Variants in ALPK3 observed in about 807,000 individuals in gnomAD.
ALPK3 encodes alpha-protein kinase 3.
ALPK3 carries 102 observed loss-of-function variants against 140.0 expected under a neutral mutation model. The ratio of observed to expected loss-of-function variants is 0.73; its 90% CI spans 0.62 to 0.86. The LOEUF (loss-of-function observed/expected upper bound fraction) is 0.86, where lower values mean the gene tolerates loss of function less well. Ranked by LOEUF, ALPK3 falls within the 40% of genes least tolerant of loss-of-function variation. The pLI is 0.00. For synonymous variants in ALPK3, 938 were observed against 898.5 expected (o/e 1.04, Z -0.79); for missense variants, 2,254 against 2,208.2 (o/e 1.02, Z -0.42).
rs1442585193 is a variant in ALPK3 at position 84,817,387 on chromosome 15, G to A, written c.-66G>A. The A allele has an allele frequency of 3.3e-6, 4 of 1,219,994 alleles. No individual in the cohort carries two copies. Among genetic ancestry groups the A allele is most frequent in the Non-Finnish European group, 3.1e-6 (3 of 982,118 alleles). The allele number at this position is 1,219,994 out of a possible 1,614,324, so 75.6% of individuals were successfully genotyped here. A position where few individuals can be genotyped will look rare whatever the true frequency, so the allele number is the denominator to read the frequency against. On this transcript the variant is annotated 5_prime_UTR_variant, in exon 1 of 14. Coordinates refer to ENST00000258888, the MANE Select transcript of ALPK3 (RefSeq NM_020778.5). ...GGCGGCGGCGGGCAGGGGCCCGGGG[G>A]CCGGGGCCTGGAGGACAGGCGAGGC...
chr15:84,864,483 T>C lies in ALPK3; in HGVS notation c.4541T>C (p.Ile1514Thr), dbSNP rs904264353. ...CTGATCTACCGGCCTGCAAACAATA[T>C]CCCATATGCTACCCTGGAGGAAGAC... is the stretch of plus-strand genomic sequence containing the variant. Reference protein sequence around the residue: ...LYLIYRPANNIPYATLEEDLG... With the variant: ...LYLIYRPANNTPYATLEEDLG... Residue 1514 changes from isoleucine to threonine, a missense_variant, in exon 12 of 14, where the codon ATC becomes ACC. Around this residue, in one of 3 missense-constraint regions of ALPK3, gnomAD observed 2,088 missense variants for 2,022.9 expected, o/e 1.03. Transcript: ENST00000258888. The C allele has an allele frequency of 6.2e-7, 1 of 1,614,026 alleles. No homozygotes were observed. Among genetic ancestry groups the C allele is most frequent in the East Asian group, 2.2e-5 (1 of 44,890 alleles).
At chr15:84,852,045 T>C (rs964992955) in intron 5 of ALPK3, among the ~76,000 whole-genome samples, 1 of 152,206 alleles carries the variant, frequency 6.6e-6, no homozygotes, top group African/African-American at 2.4e-5. Context: ...TGCCTGACAC[T>C]GCAGATAGTA....
At chr15:84,832,164 C>T (rs1963551590) in intron 3 of ALPK3, among the ~76,000 whole-genome samples, 1 of 152,152 alleles carries the variant, frequency 6.6e-6, no homozygotes, top group Non-Finnish European at 1.5e-5. Context: ...TTTCCTCCTT[C>T]CTCTTTCTCC....
At position 84,840,865 on chromosome 15, in the gene ALPK3, C is replaced by T. The variant is rs202032410; in HGVS notation, c.1586C>T (p.Ala529Val). ...TCTGTGCAGGTGCCGACGCCCCCTG[C>T]CCGGCGGAGACATGGCACCCGGGAC... is the stretch of plus-strand genomic sequence containing the variant. ...QASVQVPTPP[A>V]RRRHGTRDST... Residue 529 changes from alanine (A) to valine (V), a missense_variant, in exon 5 of 14, where the codon GCC becomes GTC. Physicochemically the swap from Ala to Val is moderately conservative, Grantham distance 64. Around this residue, in one of 3 missense-constraint regions of ALPK3, gnomAD observed 2,088 missense variants for 2,022.9 expected, o/e 1.03. Coordinates refer to ENST00000258888, the MANE Select transcript of ALPK3 (RefSeq NM_020778.5). The T allele has an allele frequency of 2.8e-5, 45 of 1,613,898 alleles. No individual in the cohort carries two copies. The African/African-American group carries it at 4.3e-4, about 15-fold the overall frequency.
chr15:84,820,902 G>T (rs1054949522), intron 1 of ALPK3, among the ~76,000 whole-genome samples: 3 of 152,174 alleles, frequency 2.0e-5, no homozygotes, highest in East Asian at 1.9e-4. Context: ...GGGATTATAG[G>T]CATGAGCCAC....
chr15:84,828,486 C>A (rs115023375), intron 3 of ALPK3, among the ~76,000 whole-genome samples: 1,996 of 152,242 alleles, frequency 0.013, 19 homozygotes, highest in African/African-American at 0.026. Context: ...CTATTAGATC[C>A]CAGGCCCAGG....
At chr15:84,854,506 C>G (rs902195801) in intron 5 of ALPK3, among the ~76,000 whole-genome samples, 2 of 152,172 alleles carry the variant, frequency 1.3e-5, no homozygotes, top group African/African-American at 4.8e-5. Flanking sequence ...AGAGTGGTCT[C>G]AAACTCCTGA....
chr15:84,858,532 G>C lies in ALPK3; in HGVS notation c.3794G>C (p.Arg1265Thr). ...EGKQETLAKP[R>T]KAKDLLKAPQ... Reference sequence around the variant, plus strand: ...AAGCAGGAGACACTGGCCAAGCCCAGGAAAGCCAAAGACCTGCTGAAAGGT... The same window carrying C: ...AAGCAGGAGACACTGGCCAAGCCCACGAAAGCCAAAGACCTGCTGAAAGGT... The change falls in exon 6 of 14, where the codon AGG becomes ACG. Residue 1265 changes from arginine to threonine, a missense_variant. Physicochemically the swap from Arg to Thr is moderately conservative, Grantham distance 71. Transcript: ENST00000258888. The C allele has an allele frequency of 1.3e-6, 2 of 1,588,698 alleles. No individual in the cohort carries two copies. The highest frequency in any genetic ancestry group is 1.7e-6 in the Non-Finnish European group (2 of 1,175,036).
At chr15:84,830,472 C>T (rs961323201) in intron 3 of ALPK3, among the ~76,000 whole-genome samples, 2 of 152,226 alleles carry the variant, frequency 1.3e-5, no homozygotes, top group Admixed American at 6.5e-5. Context: ...CTTGCTCTCC[C>T]TTGAGTCCCT....
intron 5 of ALPK3, among the ~76,000 whole-genome samples, chr15:84,846,095 C>A (rs534953253): frequency 1.3e-5 from 2 of 152,024 alleles, no homozygotes; most frequent in South Asian, 4.2e-4. Flanking sequence ...AATAAAAAAA[C>A]CCCAAACAGC....
intron 5 of ALPK3, among the ~76,000 whole-genome samples, chr15:84,848,071 A>AT (rs1555434940): frequency 6.6e-6 from 1 of 151,864 alleles, no homozygotes; most frequent in Non-Finnish European, 1.5e-5. Flanking sequence ...CAAAAAAAAA[A>AT]AAATAAAAAG....
At chr15:84,830,445 G>T (rs1014419794) in intron 3 of ALPK3, among the ~76,000 whole-genome samples, 2 of 152,234 alleles carry the variant, frequency 1.3e-5, no homozygotes, top group African/African-American at 2.4e-5. Context: ...AGGGCATAGT[G>T]ATGGCAAGGT....
In ALPK3 at chr15:84,817,433, C is replaced by G. The variant is rs1963372215; in HGVS notation, c.-20C>G. 8.0e-7 allele frequency: 1 copy of G among 1,251,134 alleles called. No individual in the cohort carries two copies. Among genetic ancestry groups the G allele is most frequent in the Non-Finnish European group, 1.0e-6 (1 of 1,003,262 alleles). 77.5% of individuals were successfully genotyped at this position (1,251,134 alleles called of 1,614,324 possible). A position where few individuals can be genotyped will look rare whatever the true frequency, so the allele number is the denominator to read the frequency against. On this transcript the variant is annotated 5_prime_UTR_variant, in exon 1 of 14. Coordinates refer to ENST00000258888, the MANE Select transcript of ALPK3 (RefSeq NM_020778.5). ...GAGGCAGCGGCGAGTGCGGGGCCGG[C>G]GGTCGGGGAGGGCGGTGCCATGGGG...
intron 5 of ALPK3, among the ~76,000 whole-genome samples, chr15:84,843,122 C>G (rs1309697027): frequency 6.6e-6 from 1 of 152,168 alleles, no homozygotes; most frequent in Non-Finnish European, 1.5e-5. Flanking sequence ...GGGGCTCAGG[C>G]AGTGTGGTAC....
chr15:84,861,615 G>A (rs1008553076), intron 9 of ALPK3, among the ~76,000 whole-genome samples: 3 of 152,170 alleles, frequency 2.0e-5, no homozygotes, highest in African/African-American at 7.2e-5. Context: ...ATTAGCAGTT[G>A]CAACATGGAG....
intron 5 of ALPK3, among the ~76,000 whole-genome samples, chr15:84,853,018 A>T (rs1886715113): frequency 1.3e-5 from 2 of 152,190 alleles, no homozygotes; most frequent in African/African-American, 4.8e-5. Context: ...GATAATGAAG[A>T]AGTAGTTTCA....
intron 10 of ALPK3, among the ~76,000 whole-genome samples, chr15:84,863,263 A>T (rs306199): frequency 1.3e-5 from 2 of 152,056 alleles, no homozygotes; most frequent in Non-Finnish European, 2.9e-5. Context: ...TCCTGGCTCT[A>T]CACAGAGTGG....
At chr15:84,823,631 A>G (rs1355690820) in intron 2 of ALPK3, among the ~76,000 whole-genome samples, 8 of 152,186 alleles carry the variant, frequency 5.3e-5, no homozygotes, top group Non-Finnish European at 1.2e-4. Flanking sequence ...GATGCCTGCA[A>G]TGACATCTCT....
At chr15:84,853,046 A>T (rs1360008493) in intron 5 of ALPK3, among the ~76,000 whole-genome samples, 1 of 152,232 alleles carries the variant, frequency 6.6e-6, no homozygotes, top group African/African-American at 2.4e-5. Flanking sequence ...TGAGGGATTG[A>T]TCTGGCTGAG....
Sources: allele counts gnomAD v4.1 joint callset (sites outside exome capture counted in the v4.1 genomes callset), GRCh38; gene constraint gnomAD v4.1.1; regional missense constraint gnomAD v4.1.1; transcripts MANE v1.5; gene names NCBI Gene and HGNC (gene_info 2026-07-23, HGNC 2026-07-21).